HTR1F: variants seen among roughly 807,000 people sequenced by gnomAD.
HTR1F encodes 5-hydroxytryptamine (serotonin) receptor 1F, G protein-coupled.
In HTR1F, 17 loss-of-function variants were observed where a neutral mutation model predicts 24.0. The ratio of observed to expected loss-of-function variants is 0.71; its 90% confidence interval spans 0.48 to 1.06. The LOEUF (loss-of-function observed/expected upper bound fraction) is 1.06, where lower values mean the gene tolerates loss of function less well. Ranked by LOEUF, HTR1F falls within the 50% of genes least tolerant of loss-of-function variation. The probability of loss-of-function intolerance (pLI) is 0.00; values close to 1 mark genes in which losing one functional copy is unlikely to be tolerated. For missense variants in HTR1F, 391 were observed against 427.8 expected, an observed-to-expected ratio of 0.91 and a Z score of 0.76; for synonymous variants, 186 against 156.8, an observed-to-expected ratio of 1.19 and a Z score of -1.39.
chr3:87,811,893 A>G (rs1704166693), intron 1 of HTR1F, among the ~76,000 whole-genome samples: 1 of 152,130 alleles, frequency 6.6e-6, no homozygotes, highest in South Asian at 2.1e-4. Context: ...AGTTTCCCCC[A>G]TGTTGTTCTC....
intron 2 of HTR1F, among the ~76,000 whole-genome samples, chr3:87,830,874 T>G (rs1246040877): frequency 6.6e-6 from 1 of 152,206 alleles, no homozygotes; most frequent in Non-Finnish European, 1.5e-5. Flanking sequence ...GAAAAATATT[T>G]TACAATGAGT....
intron 2 of HTR1F, among the ~76,000 whole-genome samples, chr3:87,869,438 TA>T (rs375657302): frequency 0.013 from 1,278 of 94,970 alleles, 19 homozygotes; most frequent in African/African-American, 0.062. Flanking sequence ...GATAGATACA[TA>T]GATAGATAGA....
At position 87,991,023 on chromosome 3, in the gene HTR1F, G is replaced by A. The variant is rs1705811524; in HGVS notation, c.274G>A (p.Gly92Arg). The A allele has an allele frequency of 6.2e-7, 1 of 1,614,066 alleles. No homozygotes were observed. The highest frequency in any genetic ancestry group is 1.3e-5 in the African/African-American group (1 of 75,022). ...TATTGTGAGAGAGAGCTGGATTATG[G>A]GGCAAGTGGTCTGTGACATTTGGCT... is the stretch of plus-strand genomic sequence containing the variant. Reference protein sequence around the residue: ...VYIVRESWIMGQVVCDIWLSV... With the variant: ...VYIVRESWIMRQVVCDIWLSV... Residue 92 changes from glycine to arginine, a missense_variant, in exon 3 of 3, where the codon GGG becomes AGG. Coordinates refer to ENST00000319595, the MANE Select transcript of HTR1F (RefSeq NM_001322209.2).
rs201820111 is a variant in HTR1F, at chr3:87,991,484, T to C, written c.735T>C (p.Tyr245=). 38 of 1,614,004 alleles carry C rather than the reference T, an allele frequency of 2.4e-5. No homozygotes were observed. Among genetic ancestry groups the C allele is most frequent in the Non-Finnish European group, 3.1e-5 (37 of 1,180,020 alleles). Reference sequence around the variant, plus strand: ...GCACTAAATCAGTTTCCACATCCTATGTACTAGAAAAGTCTTTATCTGACC... The same window carrying C: ...GCACTAAATCAGTTTCCACATCCTACGTACTAGAAAAGTCTTTATCTGACC... ...EKSTKSVSTS[Y]VLEKSLSDPS... is the part of the protein sequence containing the mutation. The change falls in exon 3 of 3, where the codon TAT becomes TAC. Residue 245 remains tyrosine (Y), a synonymous_variant. Transcript: ENST00000319595.
chr3:87,940,696 C>CT (rs373576221), intron 2 of HTR1F, among the ~76,000 whole-genome samples: 104 of 152,278 alleles, frequency 6.8e-4, no homozygotes, highest in African/African-American at 2.5e-3. Context: ...AACAACAAAG[C>CT]TGGAGGCATC....
At chr3:87,836,842 T>C (rs1431261359) in intron 2 of HTR1F, among the ~76,000 whole-genome samples, 1 of 152,136 alleles carries the variant, frequency 6.6e-6, no homozygotes, top group Non-Finnish European at 1.5e-5. Flanking sequence ...TTTTTCTTTT[T>C]GTACTTCAGT....
chr3:87,894,226 G>A (rs1575998164), intron 2 of HTR1F, among the ~76,000 whole-genome samples: 1 of 152,116 alleles, frequency 6.6e-6, no homozygotes, highest in East Asian at 1.9e-4. Context: ...TCATTCTTAT[G>A]CCTTTGCATC....
At chr3:87,924,324 TAA>T (rs1337750888) in intron 2 of HTR1F, among the ~76,000 whole-genome samples, 1 of 152,134 alleles carries the variant, frequency 6.6e-6, no homozygotes, top group African/African-American at 2.4e-5. Context: ...ATTGATAGGT[TAA>T]GACTTGTATA....
intron 1 of HTR1F, among the ~76,000 whole-genome samples, chr3:87,799,304 C>T (rs945164496): frequency 2.0e-5 from 3 of 152,124 alleles, no homozygotes; most frequent in African/African-American, 4.8e-5. Context: ...GTTATACATA[C>T]TGCCTTCATG....
intron 1 of HTR1F, among the ~76,000 whole-genome samples, chr3:87,808,997 T>G (rs1218209912): frequency 1.3e-5 from 2 of 151,832 alleles, no homozygotes; most frequent in African/African-American, 4.8e-5. Flanking sequence ...TCATTGAGAC[T>G]TGTTTTGGTT....
chr3:87,841,314 A>G (rs549778133), intron 2 of HTR1F, among the ~76,000 whole-genome samples: 7 of 152,058 alleles, frequency 4.6e-5, no homozygotes, highest in African/African-American at 1.7e-4. Flanking sequence ...GTCTCTTGTA[A>G]ACATTAAAGC....
At chr3:87,879,526 C>G (rs1028899778) in intron 2 of HTR1F, among the ~76,000 whole-genome samples, 6 of 152,116 alleles carry the variant, frequency 3.9e-5, no homozygotes, top group African/African-American at 1.4e-4. Context: ...TCTCTCCCCT[C>G]CCCACACACA....
chr3:87,810,554 T>C (rs1405362272), intron 1 of HTR1F, among the ~76,000 whole-genome samples: 1 of 152,160 alleles, frequency 6.6e-6, no homozygotes, highest in Non-Finnish European at 1.5e-5. Context: ...ATTTGCCTTC[T>C]AGATAGATAG....
Position 87,991,057 on chromosome 3 carries a change from A to G in HTR1F, c.308A>G (p.Asp103Gly). 1 of 1,613,942 alleles carries G rather than the reference A, an allele frequency of 6.2e-7. No homozygotes were observed. The highest frequency in any genetic ancestry group is 8.5e-7 in the Non-Finnish European group (1 of 1,180,032). The change falls in exon 3 of 3, where the codon GAC becomes GGC. Residue 103 changes from aspartate (D) to glycine (G), a missense_variant. Asp to Gly is a moderately conservative substitution (Grantham distance 94). Transcript: ENST00000319595. The part of the protein sequence containing the change: ...QVVCDIWLSV[D>G]ITCCTCSILH... ...GTCTGTGACATTTGGCTGAGTGTTG[A>G]CATTACCTGCTGCACGTGCTCCATC...
At chr3:87,953,604 A>C (rs1190831038) in intron 2 of HTR1F, among the ~76,000 whole-genome samples, 2 of 151,908 alleles carry the variant, frequency 1.3e-5, no homozygotes, top group Admixed American at 6.6e-5. Context: ...AAATTAGTAC[A>C]GCCATTATGG....
chr3:87,961,969 G>T (rs1168652491), intron 2 of HTR1F, among the ~76,000 whole-genome samples: 1 of 151,964 alleles, frequency 6.6e-6, no homozygotes, highest in Non-Finnish European at 1.5e-5. Context: ...ACTAAAAAAT[G>T]ATTCATTGTA....
At chr3:87,983,324 A>G (rs1465794240) in intron 2 of HTR1F, among the ~76,000 whole-genome samples, 2 of 152,222 alleles carry the variant, frequency 1.3e-5, no homozygotes, top group Non-Finnish European at 2.9e-5. Context: ...GCAAGGTTCC[A>G]TTGACTGAAG....
rs560941296 is a variant in HTR1F at position 87,879,538 on chromosome 3, C to G, written c.-43+57414C>G. ...CCCTCTCTCCCCTCCCCACACACAC[C>G]CTTGAATGATATTTTTAATTATATT... On this transcript the variant is annotated intron_variant, in intron 2 of 2. Coordinates refer to ENST00000319595, the MANE Select transcript of HTR1F (RefSeq NM_001322209.2). Among the ~76,000 whole-genome samples the G allele has an allele frequency of 2.7e-4, 41 of 152,172 alleles. 1 individual carries two copies. In the South Asian group the frequency reaches 5.6e-3, roughly 21 times the overall value.
intron 2 of HTR1F, among the ~76,000 whole-genome samples, chr3:87,963,456 C>T (rs952545442): frequency 6.6e-6 from 1 of 152,124 alleles, no homozygotes; most frequent in African/African-American, 2.4e-5. Flanking sequence ...CTCAGACTTA[C>T]TTTCACTAAA....
Sources: gnomAD v4.1 joint callset for allele counts (sites outside exome capture counted in the v4.1 genomes callset) on GRCh38, gnomAD v4.1.1 for gene constraint, MANE v1.5 for transcripts, NCBI Gene and HGNC (gene_info 2026-07-23, HGNC 2026-07-21) for gene names.